Variants in TCF4 observed in about 807,000 individuals in gnomAD.
The protein encoded by TCF4 is transcription factor 4.
In TCF4, 3 loss-of-function variants were observed where a neutral mutation model predicts 82.1. The ratio of observed to expected loss-of-function variants is 0.04; its 90% CI spans 0.02 to 0.09. TCF4 has a LOEUF of 0.09. Among genes scored for constraint, TCF4 ranks in the 10% least tolerant of loss-of-function variants. TCF4 has a pLI of 1.00. For synonymous variants in TCF4, 276 were observed against 309.6 expected, an observed-to-expected ratio of 0.89 and a Z score of 1.14; for missense variants, 518 against 852.7, an observed-to-expected ratio of 0.61 and a Z score of 4.89.
intron 8 of TCF4, among the ~76,000 whole-genome samples, chr18:55,344,013 T>C (rs187045236): frequency 1.3e-5 from 2 of 152,280 alleles, no homozygotes; most frequent in East Asian, 3.9e-4. Context: ...CAAGTGTCTG[T>C]CAACAGCCTG....
chr18:55,258,283 C>T (rs2057322230), intron 13 of TCF4, among the ~76,000 whole-genome samples: 1 of 152,072 alleles, frequency 6.6e-6, no homozygotes, highest in Admixed American at 6.6e-5. Context: ...AGCAATCTGT[C>T]CCCATATTTG....
chr18:55,407,463 T>C (rs2094147960), intron 5 of TCF4, among the ~76,000 whole-genome samples: 1 of 152,118 alleles, frequency 6.6e-6, no homozygotes, highest in African/African-American at 2.4e-5. Context: ...CAAGTCGGCA[T>C]CTCCAGTGAG....
chr18:55,347,863 A>G (rs1053013152), intron 8 of TCF4, among the ~76,000 whole-genome samples: 2 of 152,220 alleles, frequency 1.3e-5, no homozygotes, highest in African/African-American at 4.8e-5. Context: ...AAGAAAACAT[A>G]TAAGTGTCTT....
chr18:55,292,826 T>C (rs796291557), intron 8 of TCF4, among the ~76,000 whole-genome samples: 7 of 141,998 alleles, frequency 4.9e-5, no homozygotes, highest in African/African-American at 1.7e-4. Flanking sequence ...TTACCCACAT[T>C]ATACATCTTT....
At chr18:55,439,109 A>G (rs1164617529) in intron 5 of TCF4, among the ~76,000 whole-genome samples, 1 of 152,212 alleles carries the variant, frequency 6.6e-6, no homozygotes, top group Non-Finnish European at 1.5e-5. Flanking sequence ...GAAAGGAAAA[A>G]GTACTTTTGA....
intron 6 of TCF4, among the ~76,000 whole-genome samples, chr18:55,365,886 C>T (rs1007033617): frequency 5.9e-5 from 9 of 151,872 alleles, no homozygotes; most frequent in African/African-American, 2.2e-4. Flanking sequence ...GAGCAAAACT[C>T]CATCCCAAAA....
chr18:55,448,264 G>A (rs1229860370), intron 5 of TCF4, among the ~76,000 whole-genome samples: 1 of 152,168 alleles, frequency 6.6e-6, no homozygotes, highest in African/African-American at 2.4e-5. Context: ...TTTTTCTACA[G>A]GCGGGAATAT....
upstream of TCF4, chr18:55,588,303 A>G: frequency 6.9e-7 from 1 of 1,444,640 alleles, no homozygotes; most frequent in Non-Finnish European, 9.1e-7. Context: ...CGGAATTGCA[A>G]GTTCAGCAAA....
intron 8 of TCF4, among the ~76,000 whole-genome samples, chr18:55,313,634 T>C (rs1041180182): frequency 2.0e-5 from 3 of 152,128 alleles, no homozygotes; most frequent in Non-Finnish European, 4.4e-5. Flanking sequence ...CTGTGTGAAA[T>C]GAATTACGGA....
intron 6 of TCF4, among the ~76,000 whole-genome samples, chr18:55,357,834 G>GT (rs1201201676): frequency 6.6e-6 from 1 of 152,186 alleles, no homozygotes; most frequent in Non-Finnish European, 1.5e-5. Context: ...GGCCAACTCT[G>GT]TAAGATATCA....
chr18:55,541,987 C>T (rs930707833), intron 3 of TCF4, among the ~76,000 whole-genome samples: 7 of 151,868 alleles, frequency 4.6e-5, no homozygotes, highest in Non-Finnish European at 8.8e-5. Context: ...ACCCGGAATA[C>T]ATTTGGATGA....
intron 2 of TCF4, among the ~76,000 whole-genome samples, chr18:55,600,748 G>T (rs1192024810): frequency 1.3e-5 from 2 of 152,118 alleles, no homozygotes; most frequent in African/African-American, 4.8e-5. Flanking sequence ...TTATTTGGGG[G>T]TTCCAACATC....
chr18:55,628,079 G>C (rs896806346), intron 2 of TCF4, among the ~76,000 whole-genome samples: 1 of 151,962 alleles, frequency 6.6e-6, no homozygotes, highest in African/African-American at 2.4e-5. Context: ...AACAAACAAA[G>C]AACAGCTTCA....
At chr18:55,496,055 C>A (rs1036544980) in intron 3 of TCF4, 3 of 152,092 alleles carry the variant, frequency 2.0e-5, no homozygotes, top group African/African-American at 7.2e-5. Flanking sequence ...TAGTGTATAG[C>A]CACAAGCCTA....
intron 8 of TCF4, among the ~76,000 whole-genome samples, chr18:55,338,822 T>C (rs1163406276): frequency 6.6e-6 from 1 of 152,224 alleles, no homozygotes; most frequent in East Asian, 1.9e-4. Context: ...TCATGCTTTT[T>C]ATAATTCCAA....
At chr18:55,622,579 A>AT (rs1328040963) in intron 2 of TCF4, among the ~76,000 whole-genome samples, 1 of 151,438 alleles carries the variant, frequency 6.6e-6, no homozygotes, top group Non-Finnish European at 1.5e-5. Context: ...GTAGGCATCC[A>AT]TTTTCAGAGT....
rs141574902 is a variant in TCF4 at position 55,512,762 on chromosome 18, T to C, written c.146-48625A>G. Reference sequence around the variant, plus strand: ...AGATTATTCTACTACTGTGTATACATTGCATGTGTTTAAAAATTTTTCAAA... The same window carrying C: ...AGATTATTCTACTACTGTGTATACACTGCATGTGTTTAAAAATTTTTCAAA... On this transcript the variant is annotated intron_variant, in intron 3 of 19. Transcript: ENST00000354452. Among the ~76,000 whole-genome samples the C allele has an allele frequency of 1.6e-3, 250 of 152,264 alleles. 2 individuals are homozygous for C. Among genetic ancestry groups the C allele is most frequent in the African/African-American group, 5.7e-3 (237 of 41,550 alleles).
chr18:55,473,838 G>A (rs2096237104), intron 3 of TCF4, among the ~76,000 whole-genome samples: 1 of 152,070 alleles, frequency 6.6e-6, no homozygotes. Context: ...CCTTGTAATT[G>A]GAAAAAGGCC....
At chr18:55,295,089 C>T (rs2066142519) in intron 8 of TCF4, among the ~76,000 whole-genome samples, 1 of 152,202 alleles carries the variant, frequency 6.6e-6, no homozygotes, top group African/African-American at 2.4e-5. Flanking sequence ...ATCCAGAATG[C>T]AAACCTCAAG....
Sources: gnomAD v4.1 joint callset for allele counts (sites outside exome capture counted in the v4.1 genomes callset) on GRCh38, gnomAD v4.1.1 for gene constraint, MANE v1.5 for transcripts, NCBI Gene and HGNC (gene_info 2026-07-23, HGNC 2026-07-21) for gene names.